Variants in DSC2 observed in about 807,000 individuals in gnomAD.
DSC2 encodes desmocollin-2.
In DSC2, 51 loss-of-function variants were observed where a neutral mutation model predicts 87.6. The observed-to-expected ratio is 0.58, with a 90% CI of 0.46 to 0.74. The LOEUF (loss-of-function observed/expected upper bound fraction) is 0.74. Among genes scored for constraint, DSC2 ranks in the 30% least tolerant of loss-of-function variants. The probability of loss-of-function intolerance (pLI) is 0.00; values close to 1 mark genes in which losing one functional copy is unlikely to be tolerated. For synonymous variants in DSC2, 383 were observed against 393.2 expected, an observed-to-expected ratio of 0.97 and a Z score of 0.31; for missense variants, 1,066 against 1,089.5, an observed-to-expected ratio of 0.98 and a Z score of 0.30.
rs758269321 is a variant in DSC2, at chr18:31,070,745, G to A, written c.2231C>T (p.Ala744Val). Reference sequence around the variant, plus strand: ...ACTTACCACTTTGTCATCTCCAGGAGCTTCTGTGTTTGATACAATTAGGTT... The same window carrying A: ...ACTTACCACTTTGTCATCTCCAGGAACTTCTGTGTTTGATACAATTAGGTT... ...QQNLIVSNTE[A>V]PGDDKVYSAN... Residue 744 changes from alanine to valine, a missense_variant, in exon 14 of 16, where the codon GCT becomes GTT. Transcript: ENST00000280904. 11 of 1,613,864 alleles carry A rather than the reference G, an allele frequency of 6.8e-6. No individual in the cohort carries two copies. The highest frequency in any genetic ancestry group is 8.5e-6 in the Non-Finnish European group (10 of 1,179,832).
rs1252331504 is a variant in DSC2, at chr18:31,074,849, G to A, written c.1722C>T (p.Ser574=). Residue 574 remains serine (S), a synonymous_variant, in exon 12 of 16, where the codon AGC becomes AGT. Transcript: ENST00000280904. ...GIILQDVNDN[S]PFIPKKTVII... is the part of the protein sequence containing the mutation. ...TCACTGTCTTTTTAGGTATGAATGG[G>A]CTGTTATCATTCACGTCTTGAAGTA... 6.2e-7 allele frequency: 1 copy of A among 1,613,976 alleles called. No individual in the cohort carries two copies. Among genetic ancestry groups the A allele is most frequent in the East Asian group, 2.2e-5 (1 of 44,822 alleles).
At chr18:31,089,035 C>T (rs1350314775) in intron 5 of DSC2, among the ~76,000 whole-genome samples, 2 of 151,730 alleles carry the variant, frequency 1.3e-5, no homozygotes, top group East Asian at 3.9e-4. Flanking sequence ...TATCATGGTG[C>T]GTGCCTGTGA....
At chr18:31,091,767 T>C (rs1228406221) in intron 3 of DSC2, among the ~76,000 whole-genome samples, 3 of 152,200 alleles carry the variant, frequency 2.0e-5, no homozygotes. Flanking sequence ...AAAAAAGCTT[T>C]CCTTTCTTTA....
At position 31,083,996 on chromosome 18, in the gene DSC2, G is replaced by T. The variant is rs1987316326; in HGVS notation, c.943-936C>A. Among the ~76,000 whole-genome samples the T allele has an allele frequency of 2.6e-5, 4 of 152,012 alleles. No homozygotes were observed. The South Asian group carries it at 8.3e-4, about 32-fold the overall frequency. On this transcript the variant is annotated intron_variant, in intron 7 of 15. Transcript: ENST00000280904. ...GCAATTGGAAAATTCACTTTGTCTA[G>T]GTTTCTTCTTCTATAAGATGGTGAT...
In DSC2 at chr18:31,060,368, G is replaced by A; in HGVS notation, c.*7647C>T. 6.6e-6 allele frequency: 1 copy of A among 152,174 alleles called. No homozygotes were observed. The highest frequency in any genetic ancestry group is 1.5e-5 in the Non-Finnish European group (1 of 68,032). 9.4% of individuals were successfully genotyped at this position (152,174 alleles called of 1,614,324 possible). A position where few individuals can be genotyped will look rare whatever the true frequency, so the allele number is the denominator to read the frequency against. ...TCTCATTCCCTATTGGTTAACTCATGTCCTTGGTGCCTGGGAGTTTTCCAA... is the reference window on the plus strand; with the variant it reads ...TCTCATTCCCTATTGGTTAACTCATATCCTTGGTGCCTGGGAGTTTTCCAA... On this transcript the variant is annotated 3_prime_UTR_variant, in exon 16 of 16. Transcript: ENST00000280904.
At chr18:31,098,780 C>G (rs1987844372) in intron 1 of DSC2, among the ~76,000 whole-genome samples, 1 of 152,118 alleles carries the variant, frequency 6.6e-6, no homozygotes, top group African/African-American at 2.4e-5. Context: ...ATTTGTCAAT[C>G]CCATTATTGG....
In DSC2 at chr18:31,092,245, G is replaced by T. The variant is rs1467567461; in HGVS notation, c.210C>A (p.Asp70Glu). ...CTGAACCATCCTCCAAAATTTGGAAGTCAGGATCACTTGAATGAATTAGAT... is the reference window on the plus strand; with the variant it reads ...CTGAACCATCCTCCAAAATTTGGAATTCAGGATCACTTGAATGAATTAGAT... ...AANLIHSSDP[D>E]FQILEDGSVY... The change falls in exon 3 of 16, where the codon GAC (aspartate) becomes GAA (glutamate). Residue 70 changes from aspartate to glutamate, a missense_variant. Asp to Glu is a conservative substitution (Grantham distance 45). Coordinates refer to ENST00000280904, the MANE Select transcript of DSC2 (RefSeq NM_024422.6). 1 of 1,613,822 alleles carries T rather than the reference G, an allele frequency of 6.2e-7. No individual in the cohort carries two copies. The highest frequency in any genetic ancestry group is 8.5e-7 in the Non-Finnish European group (1 of 1,179,818).
At chr18:31,078,578 G>A (rs1324868435) in intron 11 of DSC2, among the ~76,000 whole-genome samples, 3 of 148,770 alleles carry the variant, frequency 2.0e-5, no homozygotes, top group Non-Finnish European at 4.5e-5. Flanking sequence ...CTTTTCATTT[G>A]CCTTTGACCA....
chr18:31,090,805 TGTGTCTGA>T lies in DSC2; in HGVS notation c.474+215_474+222del, dbSNP rs1987567699. 2.0e-5 allele frequency among the ~76,000 whole-genome samples: 3 copies of T among 152,234 alleles called. No homozygotes were observed. The South Asian group carries it at 6.2e-4, about 32-fold the overall frequency. On this transcript the variant is annotated intron_variant, in intron 4 of 15. Coordinates refer to ENST00000280904, the MANE Select transcript of DSC2 (RefSeq NM_024422.6). ...GATGTGACAATTCATTAAGGAACCA[TGTGTCTGA>T]GTGCCACAGTTTTATGCTTGGCCTT...
chr18:31,101,355 A>G, intron 1 of DSC2: 1 of 829,310 alleles, frequency 1.2e-6, no homozygotes, highest in Non-Finnish European at 1.4e-6. Context: ...ACCCAAGGAC[A>G]CTCGCTCTCC....
intron 5 of DSC2, 26 bp downstream of exon 5, chr18:31,089,413 T>C (rs1458957990): frequency 6.2e-7 from 1 of 1,613,082 alleles, no homozygotes; most frequent in Non-Finnish European, 8.5e-7. Flanking sequence ...TCATTGCTAA[T>C]ACAGTACACA....
chr18:31,088,110 CCAAA>C (rs765073153), intron 5 of DSC2, among the ~76,000 whole-genome samples: 26 of 151,922 alleles, frequency 1.7e-4, no homozygotes, highest in Non-Finnish European at 3.2e-4. Flanking sequence ...TGTTATTTTC[CCAAA>C]CAGCCTTGAA....
Position 31,074,690 on chromosome 18 carries a change from T to C in DSC2, c.1881A>G (p.Ala627=), listed in dbSNP as rs752023626. The change falls in exon 12 of 16, where the codon GCA becomes GCG. Residue 627 remains alanine, a synonymous_variant. Transcript: ENST00000280904. The part of the protein sequence containing the change: ...SEVQRMWRLK[A]INDTAARLSY... ...ATTTTCAAAAATATATACCATTAAT[T>C]GCTTTCAGTCTCCACATTCTCTGTA... 12 of 1,613,756 alleles carry C rather than the reference T, an allele frequency of 7.4e-6. No individual in the cohort carries two copies. The highest frequency in any genetic ancestry group is 1.0e-5 in the Non-Finnish European group (12 of 1,179,882).
At chr18:31,099,695 G>C (rs1036971346) in intron 1 of DSC2, among the ~76,000 whole-genome samples, 7 of 152,192 alleles carry the variant, frequency 4.6e-5, no homozygotes, top group African/African-American at 1.7e-4. Context: ...AGGAGAGCCA[G>C]TGATCTTAGA....
At chr18:31,082,521 T>C in intron 8 of DSC2, 98 bp from the exon 9 acceptor site, 1 of 1,101,014 alleles carries the variant, frequency 9.1e-7, no homozygotes, top group South Asian at 1.3e-5. Flanking sequence ...TCCAAAGTAC[T>C]ATGTTTACAT....
chr18:31,083,654 A>G (rs1023093642), intron 7 of DSC2, among the ~76,000 whole-genome samples: 2 of 152,232 alleles, frequency 1.3e-5, no homozygotes, highest in Non-Finnish European at 2.9e-5. Flanking sequence ...TGTTACATTT[A>G]AGAGATCATC....
In DSC2 at chr18:31,071,727, A is replaced by T; in HGVS notation, c.2003T>A (p.Leu668Gln). 2 of 1,614,062 alleles carry T rather than the reference A, an allele frequency of 1.2e-6. No individual in the cohort carries two copies. The highest frequency in any genetic ancestry group is 2.7e-5 in the African/African-American group (2 of 75,062). ...MSSVTSLDVT[L>Q]CDCITENDCT... ...GTCATTTTCGGTAATGCAGTCACAC[A>T]GTGTAACATCCAATGAAGTGACACT... Residue 668 changes from leucine (L) to glutamine (Q), a missense_variant, in exon 13 of 16, where the codon CTG becomes CAG. By Grantham distance (113) the Leu-to-Gln change is moderately radical. Coordinates refer to ENST00000280904, the MANE Select transcript of DSC2 (RefSeq NM_024422.6).
At chr18:31,093,472 C>T (rs1029916769) in intron 2 of DSC2, 87 bp downstream of exon 2, 16 of 1,003,340 alleles carry the variant, frequency 1.6e-5, no homozygotes, top group Admixed American at 1.8e-5. Context: ...GACAAGATCT[C>T]GTTCCTTTTT....
intron 9 of DSC2, among the ~76,000 whole-genome samples, chr18:31,080,687 G>A (rs781319820): frequency 9.9e-5 from 15 of 152,166 alleles, no homozygotes; most frequent in Non-Finnish European, 1.5e-5. Context: ...TGTCTCTCCT[G>A]TTGCCATGTG....
Sources: gnomAD v4.1 joint callset for allele counts (sites outside exome capture counted in the v4.1 genomes callset) on GRCh38, gnomAD v4.1.1 for gene constraint, MANE v1.5 for transcripts, NCBI Gene and HGNC (gene_info 2026-07-23, HGNC 2026-07-21) for gene names.